The following GALNT13 variants were observed in gnomAD, a reference collection of about 807,000 sequenced individuals.
The protein encoded by GALNT13 is polypeptide N-acetylgalactosaminyltransferase 13.
Under a neutral mutation model 64.2 loss-of-function variants are expected in GALNT13, and 28 were observed. The ratio of observed to expected loss-of-function variants is 0.44; its 90% CI spans 0.32 to 0.60. The LOEUF is 0.60. Among genes scored for constraint, GALNT13 ranks in the 20% least tolerant of loss-of-function variants. The probability of loss-of-function intolerance (pLI) is 0.05; values close to 1 mark genes in which losing one functional copy is unlikely to be tolerated. For synonymous variants in GALNT13, 214 were observed against 224.6 expected (o/e 0.95, Z 0.42); for missense variants, 577 against 669.8 (o/e 0.86, Z 1.53).
chr2:154,060,033 A>C (rs1427216800), intron 3 of GALNT13, among the ~76,000 whole-genome samples: 1 of 152,126 alleles, frequency 6.6e-6, no homozygotes, highest in East Asian at 1.9e-4. Context: ...TGAAATAATA[A>C]AGGTAGGGCC....
At chr2:154,232,813 G>T (rs1688988817) in intron 4 of GALNT13, among the ~76,000 whole-genome samples, 1 of 151,338 alleles carries the variant, frequency 6.6e-6, no homozygotes, top group East Asian at 2.0e-4. Flanking sequence ...TGGGCAGATT[G>T]CTTGAGCTCA....
chr2:153,602,490 A>T, the GALNT13 span, among the ~76,000 whole-genome samples: 1 of 117,824 alleles, frequency 8.5e-6, no homozygotes, highest in Non-Finnish European at 1.7e-5. Context: ...GGGTGATTTG[A>T]GAGAGACATG....
chr2:153,345,719 G>GTCTTTCCTTCCTTCCTTCCTTCCTTCCT, the GALNT13 span, among the ~76,000 whole-genome samples: 355 of 80,012 alleles, frequency 4.4e-3, 35 homozygotes, highest in Middle Eastern at 6.7e-3. Flanking sequence ...CTCTCTTTCT[G>GTCTTTCCTTCCTTCCTTCCTTCCTTCCT]TCCTTCCTTC....
the GALNT13 span, among the ~76,000 whole-genome samples, chr2:153,685,321 G>A: frequency 6.6e-6 from 1 of 151,868 alleles, no homozygotes; most frequent in Non-Finnish European, 1.5e-5. Context: ...AACCTCAACA[G>A]CATCTGCTAT....
At chr2:153,295,458 AC>A in the GALNT13 span, among the ~76,000 whole-genome samples, 11 of 151,668 alleles carry the variant, frequency 7.3e-5, no homozygotes, top group Non-Finnish European at 1.3e-4. Flanking sequence ...AAACCAGCAT[AC>A]CCTGAACTTG....
the GALNT13 span, among the ~76,000 whole-genome samples, chr2:153,111,845 C>G: frequency 2.0e-5 from 3 of 152,128 alleles, no homozygotes; most frequent in Non-Finnish European, 4.4e-5. Flanking sequence ...TAAAGTTCTA[C>G]TCAAACGTAA....
At chr2:154,389,256 C>T (rs1698665379) in intron 9 of GALNT13, among the ~76,000 whole-genome samples, 1 of 152,118 alleles carries the variant, frequency 6.6e-6, no homozygotes, top group Non-Finnish European at 1.5e-5. Context: ...CTGCCTCAGC[C>T]TCCCAAGTAG....
At chr2:154,389,388 C>T (rs530839607) in intron 9 of GALNT13, among the ~76,000 whole-genome samples, 1 of 152,308 alleles carries the variant, frequency 6.6e-6, no homozygotes, top group African/African-American at 2.4e-5. Context: ...ATCTGCCCAC[C>T]TCGGCCTCCA....
At chr2:153,989,543 T>G (rs1377843614) in intron 3 of GALNT13, among the ~76,000 whole-genome samples, 3 of 151,976 alleles carry the variant, frequency 2.0e-5, no homozygotes, top group Non-Finnish European at 2.9e-5. Flanking sequence ...TGAAGCTAAC[T>G]TAAAGGCAGA....
At chr2:153,109,738 G>A in the GALNT13 span, among the ~76,000 whole-genome samples, 2 of 152,068 alleles carry the variant, frequency 1.3e-5, no homozygotes, top group Non-Finnish European at 2.9e-5. Flanking sequence ...GACATTTCCA[G>A]TAAGCCCAAA....
chr2:153,111,905 A>C, the GALNT13 span, among the ~76,000 whole-genome samples: 1 of 152,188 alleles, frequency 6.6e-6, no homozygotes, highest in Admixed American at 6.6e-5. Flanking sequence ...ATTGTAAGAA[A>C]TCTAATACTT....
intron 3 of GALNT13, among the ~76,000 whole-genome samples, chr2:154,000,565 C>T (rs1695838312): frequency 6.6e-6 from 1 of 151,870 alleles, no homozygotes; most frequent in East Asian, 1.9e-4. Flanking sequence ...TTGATTCATT[C>T]ATGTTGTCAA....
the GALNT13 span, among the ~76,000 whole-genome samples, chr2:153,354,956 G>C: frequency 6.6e-6 from 1 of 152,162 alleles, no homozygotes; most frequent in African/African-American, 2.4e-5. Flanking sequence ...CAGGAGTAAA[G>C]AGAACTGTTT....
the GALNT13 span, among the ~76,000 whole-genome samples, chr2:153,784,608 A>C: frequency 6.6e-6 from 1 of 152,212 alleles, no homozygotes. Flanking sequence ...AGGCACTCCC[A>C]GAGCCCCAGG....
intron 2 of GALNT13, among the ~76,000 whole-genome samples, chr2:153,908,585 G>T (rs1380307927): frequency 6.6e-6 from 1 of 152,020 alleles, no homozygotes; most frequent in Non-Finnish European, 1.5e-5. Context: ...TAAAGAAGGA[G>T]TCCAGTTTCA....
chr2:154,410,783 A>T (rs558128014), intron 11 of GALNT13, among the ~76,000 whole-genome samples: 344 of 152,106 alleles, frequency 2.3e-3, no homozygotes, highest in African/African-American at 7.7e-3. Context: ...AATTTCATAC[A>T]GAATTTAAAG....
chr2:153,109,016 G>A, the GALNT13 span, among the ~76,000 whole-genome samples: 1 of 152,094 alleles, frequency 6.6e-6, no homozygotes, highest in Non-Finnish European at 1.5e-5. Flanking sequence ...TCTGATAAAG[G>A]CAAGATAATA....
intron 3 of GALNT13, among the ~76,000 whole-genome samples, chr2:154,131,952 C>T (rs1034837811): frequency 1.3e-5 from 2 of 152,136 alleles, no homozygotes; most frequent in African/African-American, 2.4e-5. Context: ...GTACCATGTT[C>T]GAGGGCAGAA....
At chr2:153,518,642 A>T in the GALNT13 span, among the ~76,000 whole-genome samples, 1 of 152,150 alleles carries the variant, frequency 6.6e-6, no homozygotes, top group East Asian at 1.9e-4. Context: ...AAAGATTATT[A>T]TTTTAAATTA....
Sources: allele counts gnomAD v4.1 joint callset (sites outside exome capture counted in the v4.1 genomes callset), GRCh38; gene constraint gnomAD v4.1.1; transcripts MANE v1.5; gene names NCBI Gene and HGNC (gene_info 2026-07-23, HGNC 2026-07-21).